The following OCLN variants were observed in gnomAD, a reference collection of about 807,000 sequenced individuals.
The protein encoded by OCLN is occludin.
In OCLN, 21 loss-of-function variants were observed where a neutral mutation model predicts 47.9. The observed-to-expected ratio is 0.44, with a 90% CI of 0.31 to 0.63. OCLN has a LOEUF of 0.63. Ranked by LOEUF, OCLN falls within the 30% of genes least tolerant of loss-of-function variation. The probability of loss-of-function intolerance (pLI) is 0.08; values close to 1 mark genes in which losing one functional copy is unlikely to be tolerated. For synonymous variants in OCLN, 117 were observed against 198.4 expected, an observed-to-expected ratio of 0.59 and a Z score of 3.45; for missense variants, 360 against 571.0, an observed-to-expected ratio of 0.63 and a Z score of 3.77.
chr5:69,495,851 TCTGTTGTGTAAAAGATCTG>T (rs1178686887), intron 1 of OCLN, among the ~76,000 whole-genome samples: 5 of 152,164 alleles, frequency 3.3e-5, no homozygotes, highest in Non-Finnish European at 7.4e-5. Context: ...ACAGCAGGTG[TCTGTTGTGTAAAAGATCTG>T]GGCTTTCTAG....
rs891589816 is a variant in OCLN at position 69,555,888 on chromosome 5, TTG to T, written c.*2221_*2222del. ...AACAGCAAGAATTTGCATTGTAAAA[TTG>T]TGTTATAAAATTGGACTTTGAAATT... is the stretch of plus-strand genomic sequence containing the variant. On this transcript the variant is annotated 3_prime_UTR_variant, in exon 9 of 9. Transcript: ENST00000396442. The T allele has an allele frequency of 7.2e-6, 1 of 139,234 alleles. No homozygotes were observed. Among genetic ancestry groups the T allele is most frequent in the African/African-American group, 2.7e-5 (1 of 36,602 alleles). The allele number at this position is 139,234 out of a possible 1,614,324, so 8.6% of individuals were successfully genotyped here.
intron 4 of OCLN, among the ~76,000 whole-genome samples, chr5:69,519,412 T>C (rs901387127): frequency 1.3e-5 from 2 of 152,186 alleles, no homozygotes; most frequent in Non-Finnish European, 2.9e-5. Context: ...TATAATTCCC[T>C]GTCCCTGTTG....
At position 69,501,983 on chromosome 5, in the gene OCLN, A is replaced by AGCTC. The variant is rs1325594105; in HGVS notation, c.-68-2193_-68-2190dup. Among the ~76,000 whole-genome samples, 49 of 152,198 alleles carry AGCTC rather than the reference A, an allele frequency of 3.2e-4. 1 individual carries two copies. The highest frequency in any genetic ancestry group is 1.1e-3 in the African/African-American group (47 of 41,456). ...GAGGCCAAGGAGGGCAGATTGCCTG[A>AGCTC]GCTCAGGAGTTTGACACCAGACTGT... is the stretch of plus-strand genomic sequence containing the variant. On this transcript the variant is annotated intron_variant, in intron 1 of 8. Coordinates refer to ENST00000396442, the MANE Select transcript of OCLN (RefSeq NM_001205254.2).
intron 4 of OCLN, among the ~76,000 whole-genome samples, chr5:69,515,357 G>T (rs1220659569): frequency 6.9e-6 from 1 of 145,220 alleles, no homozygotes; most frequent in Non-Finnish European, 1.5e-5. Flanking sequence ...AGGGGCGGCC[G>T]GGCAGAGGGG....
intron 4 of OCLN, among the ~76,000 whole-genome samples, chr5:69,532,958 ACT>A (rs1769474115): frequency 6.9e-6 from 1 of 145,806 alleles, no homozygotes; most frequent in Non-Finnish European, 1.5e-5. Context: ...ACAGGGTGAG[ACT>A]CTGTCTCAAA....
chr5:69,509,711 A>G lies in OCLN; in HGVS notation c.621A>G (p.Leu207=), dbSNP rs148225175. The change falls in exon 3 of 9, where the codon CTA becomes CTG. Residue 207 remains leucine, a synonymous_variant. Transcript: ENST00000396442. Reference sequence around the variant, plus strand: ...CAACTGCTCAGTCTTCTGGATCTCTATATGGTTCACAAATATATGCCCTCT... The same window carrying G: ...CAACTGCTCAGTCTTCTGGATCTCTGTATGGTTCACAAATATATGCCCTCT... ...VNPTAQSSGS[L]YGSQIYALCN... is the part of the protein sequence containing the mutation. The G allele has an allele frequency of 2.8e-5, 46 of 1,614,112 alleles. No individual in the cohort carries two copies. The East Asian group carries it at 9.1e-4, about 32-fold the overall frequency.
chr5:69,501,693 T>C (rs570963121), intron 1 of OCLN, among the ~76,000 whole-genome samples: 5 of 152,276 alleles, frequency 3.3e-5, no homozygotes, highest in East Asian at 1.9e-4. Flanking sequence ...TGTACACTTA[T>C]GATTTGTGCA....
rs1386074520 is a variant in OCLN at position 69,529,787 on chromosome 5, G to T, written c.892-4907G>T. ...CTGGCTAATTTTTGTATTTTTAGTAGAGATGGGGTTTCACCTTGTTTGCCA... is the reference window on the plus strand; with the variant it reads ...CTGGCTAATTTTTGTATTTTTAGTATAGATGGGGTTTCACCTTGTTTGCCA... On this transcript the variant is annotated intron_variant, in intron 4 of 8. Transcript: ENST00000396442. Among the ~76,000 whole-genome samples, 4 of 152,188 alleles carry T rather than the reference G, an allele frequency of 2.6e-5. No homozygotes were observed. In the Middle Eastern group the frequency reaches 0.01, roughly 388 times the overall value.
chr5:69,521,062 C>T (rs1769124512), intron 4 of OCLN, among the ~76,000 whole-genome samples: 1 of 152,112 alleles, frequency 6.6e-6, no homozygotes, highest in East Asian at 1.9e-4. Flanking sequence ...TGGTCGAACT[C>T]CTGACCTCAG....
intron 4 of OCLN, among the ~76,000 whole-genome samples, chr5:69,524,019 C>T (rs915489931): frequency 2.0e-5 from 3 of 152,066 alleles, no homozygotes; most frequent in Non-Finnish European, 2.9e-5. Flanking sequence ...CCTGGTGGCG[C>T]ATGCCTGTAG....
At chr5:69,518,680 A>G (rs1467949466) in intron 4 of OCLN, among the ~76,000 whole-genome samples, 1 of 152,176 alleles carries the variant, frequency 6.6e-6, no homozygotes. Flanking sequence ...AGTGGAGTAG[A>G]TTAGGGAGTT....
chr5:69,534,893 A>G lies in OCLN; in HGVS notation c.1037+54A>G, dbSNP rs1241041471. On this transcript the variant is annotated intron_variant, in intron 5 of 8. Coordinates refer to ENST00000396442, the MANE Select transcript of OCLN (RefSeq NM_001205254.2). ...ACTGAGTGTAAAAATGAGTATTTGCATATAATTGGTTTTTGTGCCTTTCTG... is the reference window on the plus strand; with the variant it reads ...ACTGAGTGTAAAAATGAGTATTTGCGTATAATTGGTTTTTGTGCCTTTCTG... 54 of 1,556,478 alleles carry G rather than the reference A, an allele frequency of 3.5e-5. 3 individuals carry two copies. The highest frequency in any genetic ancestry group is 4.6e-5 in the Non-Finnish European group (53 of 1,148,632).
At chr5:69,528,894 CT>C (rs1769354841) in intron 4 of OCLN, among the ~76,000 whole-genome samples, 1 of 152,158 alleles carries the variant, frequency 6.6e-6, no homozygotes. Flanking sequence ...GCCTGACTCT[CT>C]CCCATGTGTG....
At chr5:69,506,128 T>C (rs930633571) in intron 2 of OCLN, among the ~76,000 whole-genome samples, 1 of 152,186 alleles carries the variant, frequency 6.6e-6, no homozygotes, top group African/African-American at 2.4e-5. Context: ...AAACAGTACT[T>C]ACCATTACTG....
At chr5:69,522,963 T>A in intron 4 of OCLN, among the ~76,000 whole-genome samples, 1 of 143,390 alleles carries the variant, frequency 7.0e-6, no homozygotes, top group East Asian at 2.1e-4. Flanking sequence ...CCTGAACTCA[T>A]GCAGTTCTCC....
chr5:69,525,794 C>T (rs1435285692), intron 4 of OCLN, among the ~76,000 whole-genome samples: 1 of 152,168 alleles, frequency 6.6e-6, no homozygotes, highest in East Asian at 1.9e-4. Context: ...AGTGCCTTCT[C>T]TCCTTTAGGG....
At chr5:69,497,137 A>G (rs1333959353) in intron 1 of OCLN, among the ~76,000 whole-genome samples, 1 of 152,186 alleles carries the variant, frequency 6.6e-6, no homozygotes, top group Non-Finnish European at 1.5e-5. Context: ...CATAAATTGC[A>G]TGAGCTCAAA....
At chr5:69,544,871 AGT>A in intron 5 of OCLN, 31 bp from the exon 6 acceptor site, 2 of 783,722 alleles carry the variant, frequency 2.6e-6, no homozygotes, top group Non-Finnish European at 4.1e-6. Flanking sequence ...AAAGGGCTGT[AGT>A]GTACTGAACA....
At position 69,555,532 on chromosome 5, in the gene OCLN, G is replaced by T. The variant is rs1769957462; in HGVS notation, c.*1861G>T. 6.6e-6 allele frequency: 1 copy of T among 151,940 alleles called. No homozygotes were observed. Among genetic ancestry groups the T allele is most frequent in the Non-Finnish European group, 1.5e-5 (1 of 68,010 alleles). 9.4% of individuals were successfully genotyped at this position (151,940 alleles called of 1,614,324 possible). ...GATCCATCCACCTCGGCCTCCCAAAGTGCTGGGATTAGAGGCGTGAGCCAC... is the reference window on the plus strand; with the variant it reads ...GATCCATCCACCTCGGCCTCCCAAATTGCTGGGATTAGAGGCGTGAGCCAC... On this transcript the variant is annotated 3_prime_UTR_variant, in exon 9 of 9. Coordinates refer to ENST00000396442, the MANE Select transcript of OCLN (RefSeq NM_001205254.2).
Sources: gnomAD v4.1 joint callset for allele counts (sites outside exome capture counted in the v4.1 genomes callset) on GRCh38, gnomAD v4.1.1 for gene constraint, MANE v1.5 for transcripts, NCBI Gene and HGNC (gene_info 2026-07-23, HGNC 2026-07-21) for gene names.